Variants in ITPR2 observed in about 807,000 individuals in gnomAD.
ITPR2 encodes the protein inositol 1,4,5-trisphosphate-gated calcium channel ITPR2.
A neutral mutation model predicts 317.1 loss-of-function variants in ITPR2; 207 were observed. That is an observed-to-expected ratio of 0.65 (90% CI 0.58 to 0.73). ITPR2 has a LOEUF of 0.73. Among genes scored for constraint, ITPR2 ranks in the 30% least tolerant of loss-of-function variants. ITPR2 has a pLI of 0.00. For missense variants in ITPR2, 2,613 were observed against 3,284.0 expected, an observed-to-expected ratio of 0.80 and a Z score of 4.99; for synonymous variants, 1,156 against 1,149.1, an observed-to-expected ratio of 1.01 and a Z score of -0.12.
Position 26,411,383 on chromosome 12 carries a change from T to C in ITPR2, c.7336A>G (p.Thr2446Ala). ...GSHQVPTMTLTTMMEACAKEN... is the reference protein window; with the variant it reads ...GSHQVPTMTLATMMEACAKEN... ...TTGGCACATGCTTCCATCATGGTAG[T>C]TAAAGTCATAGTAGGCACTTGATGA... The change falls in exon 52 of 57, where the codon ACT (threonine) becomes GCT (alanine). Residue 2446 changes from threonine to alanine, a missense_variant. Physicochemically the swap from Thr to Ala is moderately conservative, Grantham distance 58 (BLOSUM62 0). Around this residue, in one of 9 missense-constraint regions of ITPR2, gnomAD observed 113 missense variants for 129.2 expected, o/e 0.87. Transcript: ENST00000381340. 2 of 1,613,546 alleles carry C rather than the reference T, an allele frequency of 1.2e-6. No individual in the cohort carries two copies. Among genetic ancestry groups the C allele is most frequent in the Non-Finnish European group, 1.7e-6 (2 of 1,179,650 alleles).
At chr12:26,566,365 G>A (rs1003268793) in intron 34 of ITPR2, among the ~76,000 whole-genome samples, 7 of 139,496 alleles carry the variant, frequency 5.0e-5, no homozygotes, top group African/African-American at 1.9e-4. Context: ...GGAAAGAGAA[G>A]GAGAGGAGAG....
In ITPR2 at chr12:26,594,674, T is replaced by A. The variant is rs770731139; in HGVS notation, c.4380+791A>T. Among the ~76,000 whole-genome samples the A allele has an allele frequency of 4.6e-5, 7 of 152,008 alleles. 1 individual carries two copies. The highest frequency in any genetic ancestry group is 1.3e-4 in the Admixed American group (2 of 15,256). On this transcript the variant is annotated intron_variant, in intron 32 of 56. Coordinates refer to ENST00000381340, the MANE Select transcript of ITPR2 (RefSeq NM_002223.4). The stretch of plus-strand genomic sequence containing the variant: ...AGTGAAACTTTATTTGAACTTCAAG[T>A]CCCATAACTTTAAAGGGAAAATTAG...
Position 26,722,499 on chromosome 12 carries a change from T to TA in ITPR2, c.422dup (p.Leu141PhefsTer17). On this transcript the variant is annotated frameshift_variant, in exon 5 of 57. Transcript: ENST00000381340. LOFTEE classifies it high-confidence loss of function. ...ACACACGCATGGCATTCTTCTCCAG[T>TA]AAAGCAGGTAATCTCTTGTTGACAG... is the stretch of plus-strand genomic sequence containing the variant. 6.2e-7 allele frequency: 1 copy of TA among 1,613,278 alleles called. No individual in the cohort carries two copies.
At chr12:26,690,935 T>C (rs764739218) in intron 10 of ITPR2, among the ~76,000 whole-genome samples, 43 of 152,334 alleles carry the variant, frequency 2.8e-4, no homozygotes, top group Middle Eastern at 3.4e-3. Context: ...TCTTGGAAAA[T>C]AGCTTTAATG....
chr12:26,768,046 A>G (rs1347674724), intron 2 of ITPR2, among the ~76,000 whole-genome samples: 1 of 152,144 alleles, frequency 6.6e-6, no homozygotes, highest in Non-Finnish European at 1.5e-5. Flanking sequence ...CCTGACCATG[A>G]TTCTTACCTA....
chr12:26,698,056 AG>A (rs1305132733), intron 9 of ITPR2, among the ~76,000 whole-genome samples: 1 of 152,202 alleles, frequency 6.6e-6, no homozygotes, highest in African/African-American at 2.4e-5. Context: ...CAACCAGAGA[AG>A]AGACAACCAA....
chr12:26,786,470 ATG>A (rs1950251739), intron 2 of ITPR2, among the ~76,000 whole-genome samples: 1 of 145,742 alleles, frequency 6.9e-6, no homozygotes, highest in African/African-American at 2.5e-5. Context: ...AAAAAAAAAA[ATG>A]GAGAATATTT....
At chr12:26,637,048 T>C (rs1946879830) in intron 21 of ITPR2, among the ~76,000 whole-genome samples, 1 of 152,224 alleles carries the variant, frequency 6.6e-6, no homozygotes. Flanking sequence ...ATTAATCATA[T>C]GATAAATTTG....
intron 54 of ITPR2, among the ~76,000 whole-genome samples, chr12:26,391,356 A>T (rs1373825586): frequency 1.3e-5 from 2 of 152,114 alleles, no homozygotes; most frequent in African/African-American, 4.8e-5. Context: ...CCATCTGGGC[A>T]GGAAAAATGG....
chr12:26,411,557 A>T, intron 51 of ITPR2, 145 bp from the exon 52 acceptor site: 2 of 612,474 alleles, frequency 3.3e-6, no homozygotes, highest in African/African-American at 3.7e-5. Context: ...TTAGTATGGA[A>T]TTCTGAACAC....
At chr12:26,826,073 C>T (rs1265704560) in intron 1 of ITPR2, among the ~76,000 whole-genome samples, 1 of 152,030 alleles carries the variant, frequency 6.6e-6, no homozygotes, top group African/African-American at 2.4e-5. Context: ...TATAACCATT[C>T]CAAGCTTCAT....
At chr12:26,650,660 G>T (rs776134914) in intron 21 of ITPR2, among the ~76,000 whole-genome samples, 15 of 152,194 alleles carry the variant, frequency 9.9e-5, no homozygotes, top group Non-Finnish European at 2.1e-4. Context: ...AAGGCAGATT[G>T]TAAGCAGTGA....
intron 34 of ITPR2, among the ~76,000 whole-genome samples, chr12:26,573,545 G>A (rs944983233): frequency 2.6e-5 from 4 of 152,150 alleles, no homozygotes; most frequent in African/African-American, 9.7e-5. Flanking sequence ...AAATGAAATG[G>A]TCTAAGATGA....
intron 51 of ITPR2, among the ~76,000 whole-genome samples, chr12:26,414,050 T>TCACACACACAC (rs1555121666): frequency 0.027 from 3,787 of 138,162 alleles, 65 homozygotes; most frequent in Non-Finnish European, 0.037. Flanking sequence ...TGTATATATG[T>TCACACACACAC]ACACACACAC....
chr12:26,585,400 C>T (rs987171446), intron 32 of ITPR2, among the ~76,000 whole-genome samples: 1 of 152,070 alleles, frequency 6.6e-6, no homozygotes, highest in African/African-American at 2.4e-5. Flanking sequence ...CTATTTCCTA[C>T]TACATATTAT....
intron 2 of ITPR2, among the ~76,000 whole-genome samples, chr12:26,775,959 T>TATATATATATATATATATATA (rs1263788006): frequency 1.4e-5 from 2 of 145,088 alleles, no homozygotes; most frequent in Non-Finnish European, 3.1e-5. Flanking sequence ...TATATGTATA[T>TATATATATATATATATATATA]CCTATTAGTT....
chr12:26,642,615 A>G (rs1947017196), intron 21 of ITPR2, among the ~76,000 whole-genome samples: 1 of 152,120 alleles, frequency 6.6e-6, no homozygotes, highest in Non-Finnish European at 1.5e-5. Context: ...TGCAAAAGAT[A>G]TTACTCATTA....
At chr12:26,649,096 T>G (rs994843289) in intron 21 of ITPR2, 3 of 152,098 alleles carry the variant, frequency 2.0e-5, no homozygotes, top group Non-Finnish European at 4.4e-5. Context: ...ACTTTCAAAT[T>G]TATAGAAAGA....
intron 45 of ITPR2, among the ~76,000 whole-genome samples, chr12:26,462,210 A>G (rs1942053972): frequency 6.8e-6 from 1 of 146,802 alleles, no homozygotes; most frequent in Non-Finnish European, 1.5e-5. Flanking sequence ...TCTGCTGCCC[A>G]GACTGGAGTG....
Sources: allele counts gnomAD v4.1 joint callset (sites outside exome capture counted in the v4.1 genomes callset), GRCh38; gene constraint gnomAD v4.1.1; regional missense constraint gnomAD v4.1.1; transcripts MANE v1.5; gene names NCBI Gene and HGNC (gene_info 2026-07-23, HGNC 2026-07-21).